SNTB2: variants seen among roughly 807,000 people sequenced by gnomAD.
SNTB2 encodes the protein syntrophin beta 2, also known as beta-2-syntrophin.
In SNTB2, 34 loss-of-function variants were observed where a neutral mutation model predicts 46.2. That is an observed-to-expected ratio of 0.74 (90% CI 0.56 to 0.98). The LOEUF (loss-of-function observed/expected upper bound fraction) is 0.98, where lower values mean the gene tolerates loss of function less well. Ranked by LOEUF, SNTB2 falls within the 50% of genes least tolerant of loss-of-function variation. The pLI, the probability that SNTB2 is intolerant of heterozygous loss-of-function variation, is 0.00. For synonymous variants in SNTB2, 290 were observed against 312.6 expected (o/e 0.93, Z 0.76); for missense variants, 603 against 731.4 (o/e 0.82, Z 2.02).
chr16:69,199,175 G>A (rs758983656), intron 1 of SNTB2, among the ~76,000 whole-genome samples: 5 of 152,066 alleles, frequency 3.3e-5, no homozygotes, highest in South Asian at 2.1e-4. Flanking sequence ...GATTACAGGC[G>A]TGAGCCACCA....
intron 2 of SNTB2, among the ~76,000 whole-genome samples, chr16:69,259,587 A>C (rs948302635): frequency 6.7e-6 from 1 of 148,500 alleles, no homozygotes; most frequent in African/African-American, 2.5e-5. Flanking sequence ...ACTCTAGGGA[A>C]TTAAGAGAAA....
intron 3 of SNTB2, among the ~76,000 whole-genome samples, chr16:69,267,493 G>A (rs576144005): frequency 6.6e-6 from 1 of 152,334 alleles, no homozygotes; most frequent in South Asian, 2.1e-4. Context: ...CCTCTTTAGA[G>A]CTGATATTGT....
chr16:69,217,988 T>G (rs1395619808), intron 1 of SNTB2, among the ~76,000 whole-genome samples: 1 of 152,188 alleles, frequency 6.6e-6, no homozygotes, highest in Non-Finnish European at 1.5e-5. Flanking sequence ...ACTTTGTGTG[T>G]GTGGTGGCAG....
chr16:69,278,648 G>A (rs949250583), intron 4 of SNTB2, among the ~76,000 whole-genome samples: 3 of 152,164 alleles, frequency 2.0e-5, no homozygotes, highest in African/African-American at 7.2e-5. Flanking sequence ...TAGAGATGGG[G>A]CTTCGCCATG....
chr16:69,265,846 AAAG>A (rs1484248031), intron 3 of SNTB2, among the ~76,000 whole-genome samples: 1 of 151,816 alleles, frequency 6.6e-6, no homozygotes, highest in South Asian at 2.1e-4. Flanking sequence ...AAAAAAAAAA[AAAG>A]AAATAAAATT....
chr16:69,277,738 TTTTA>T (rs1448384906), intron 4 of SNTB2, among the ~76,000 whole-genome samples: 3 of 152,206 alleles, frequency 2.0e-5, no homozygotes, highest in Admixed American at 6.5e-5. Context: ...ATTAAAGAGA[TTTTA>T]TTTATTTCTC....
chr16:69,225,837 G>A (rs956145479), intron 1 of SNTB2, among the ~76,000 whole-genome samples: 2 of 152,060 alleles, frequency 1.3e-5, no homozygotes, highest in African/African-American at 2.4e-5. Flanking sequence ...ATGTGATCTC[G>A]GCTCAGTGCA....
chr16:69,261,461 G>C (rs1964834137), intron 3 of SNTB2, among the ~76,000 whole-genome samples: 1 of 151,738 alleles, frequency 6.6e-6, no homozygotes, highest in Admixed American at 6.6e-5. Flanking sequence ...TCACCAGCGA[G>C]AGTAATTTTT....
chr16:69,227,545 G>T lies in SNTB2; in HGVS notation c.581-18057G>T, dbSNP rs144960245. On this transcript the variant is annotated intron_variant, in intron 1 of 6. Coordinates refer to ENST00000336278, the MANE Select transcript of SNTB2 (RefSeq NM_006750.4). ...AAGGCCTAATGGCTCTACACAAACC[G>T]CAACACAGTTCTGAAGGGTGACTAG... Among the ~76,000 whole-genome samples the T allele has an allele frequency of 1.2e-3, 178 of 152,262 alleles. 2 individuals carry two copies. Among genetic ancestry groups the T allele is most frequent in the Admixed American group, 0.011 (161 of 15,272 alleles).
chr16:69,209,354 C>T (rs1964256228), intron 1 of SNTB2, among the ~76,000 whole-genome samples: 1 of 152,154 alleles, frequency 6.6e-6, no homozygotes, highest in Non-Finnish European at 1.5e-5. Flanking sequence ...TGTATTGCTG[C>T]TTCTACCAAT....
chr16:69,258,510 T>C (rs1964799965), intron 2 of SNTB2, among the ~76,000 whole-genome samples: 1 of 151,748 alleles, frequency 6.6e-6, no homozygotes, highest in African/African-American at 2.4e-5. Flanking sequence ...ACTATTTTTC[T>C]ACCTAATTCA....
intron 5 of SNTB2, among the ~76,000 whole-genome samples, chr16:69,297,445 C>T (rs1180449848): frequency 1.3e-5 from 2 of 151,546 alleles, no homozygotes; most frequent in African/African-American, 4.9e-5. Context: ...TGGTGAAACC[C>T]TGTCTCTACT....
At chr16:69,193,576 G>A (rs901235251) in intron 1 of SNTB2, among the ~76,000 whole-genome samples, 3 of 151,992 alleles carry the variant, frequency 2.0e-5, no homozygotes, top group Non-Finnish European at 2.9e-5. Flanking sequence ...TGATCCGCCT[G>A]CCTCGGCCTC....
intron 3 of SNTB2, among the ~76,000 whole-genome samples, chr16:69,267,260 G>C (rs200407983): frequency 6.6e-6 from 1 of 152,180 alleles, no homozygotes; most frequent in East Asian, 1.9e-4. Flanking sequence ...CTCTTCATCC[G>C]CCTGACTTGG....
At chr16:69,194,308 C>G (rs896405096) in intron 1 of SNTB2, among the ~76,000 whole-genome samples, 1 of 152,118 alleles carries the variant, frequency 6.6e-6, no homozygotes, top group Middle Eastern at 3.2e-3. Flanking sequence ...TTGAATAGCA[C>G]TTTTTATATT....
intron 5 of SNTB2, among the ~76,000 whole-genome samples, chr16:69,292,436 T>A (rs530979626): frequency 1.3e-3 from 10 of 7,696 alleles, no homozygotes; most frequent in African/African-American, 2.2e-3. Flanking sequence ...ATATATATAT[T>A]ATATATATAT....
At chr16:69,295,528 G>T (rs1025481510) in intron 5 of SNTB2, among the ~76,000 whole-genome samples, 3 of 151,854 alleles carry the variant, frequency 2.0e-5, no homozygotes, top group Admixed American at 6.6e-5. Flanking sequence ...GATTACAGGC[G>T]TGAGCCACCG....
intron 4 of SNTB2, among the ~76,000 whole-genome samples, chr16:69,277,802 TTG>T (rs955631746): frequency 6.6e-6 from 1 of 152,210 alleles, no homozygotes; most frequent in African/African-American, 2.4e-5. Context: ...ATAGAAAACA[TTG>T]TGAGGTGAGT....
chr16:69,216,711 A>G (rs1964350990), intron 1 of SNTB2, among the ~76,000 whole-genome samples: 2 of 151,944 alleles, frequency 1.3e-5, no homozygotes, highest in Admixed American at 6.6e-5. Flanking sequence ...AATAGAAGTA[A>G]TGGAATTAAA....
Sources: gnomAD v4.1 joint callset for allele counts (sites outside exome capture counted in the v4.1 genomes callset) on GRCh38, gnomAD v4.1.1 for gene constraint, MANE v1.5 for transcripts, NCBI Gene and HGNC (gene_info 2026-07-23, HGNC 2026-07-21) for gene names.